Variants in C14orf39 observed in about 807,000 individuals in gnomAD.
C14orf39 encodes protein SIX6OS1.
A neutral mutation model predicts 85.6 loss-of-function variants in C14orf39; 66 were observed. The observed-to-expected ratio is 0.77, with a 90% CI of 0.63 to 0.95. The LOEUF (loss-of-function observed/expected upper bound fraction) is 0.95. C14orf39 is among the 40% of genes least tolerant of loss of function. The probability of loss-of-function intolerance (pLI) is 0.00; values close to 1 mark genes in which losing one functional copy is unlikely to be tolerated. For missense variants in C14orf39, 735 were observed against 663.9 expected (o/e 1.11, Z -1.18); for synonymous variants, 242 against 214.0 (o/e 1.13, Z -1.14).
intron 16 of C14orf39, among the ~76,000 whole-genome samples, chr14:60,446,813 A>C (rs938527310): frequency 6.6e-6 from 1 of 152,210 alleles, no homozygotes; most frequent in Admixed American, 6.5e-5. Flanking sequence ...AAATACTGGC[A>C]AATCCAATAC....
At position 60,509,238 on chromosome 14, in the gene C14orf39, T is replaced by C. The variant is rs1956558; in HGVS notation, c.-144+6157A>G. 0.89 allele frequency: 589,418 copies of C among 663,008 alleles called. 263,589 individuals carry two copies. The highest frequency in any genetic ancestry group is 0.92 in the Non-Finnish European group (347,981 of 378,588). The allele number at this position is 663,008 out of a possible 1,614,324, so 41.1% of individuals were successfully genotyped here. On this transcript the variant is annotated intron_variant, in intron 1 of 5. Coordinates refer to the C14orf39 transcript ENST00000556799. Reference sequence around the variant, plus strand: ...CCAGCACCTCCTCCAGTCGGGGTCGTCCGCTCCCGGCCGTTGAGCCACCGC... The same window carrying C: ...CCAGCACCTCCTCCAGTCGGGGTCGCCCGCTCCCGGCCGTTGAGCCACCGC...
intron 1 of C14orf39, chr14:60,512,895 A>G (rs1320496537): frequency 6.6e-6 from 1 of 152,236 alleles, no homozygotes; most frequent in Non-Finnish European, 1.5e-5. Context: ...TCCCCCAATT[A>G]CAGCCTTTTC....
chr14:60,460,295 C>T (rs1007536406), intron 13 of C14orf39, among the ~76,000 whole-genome samples: 1 of 151,780 alleles, frequency 6.6e-6, no homozygotes, highest in Non-Finnish European at 1.5e-5. Flanking sequence ...GTCTAACACT[C>T]TGTCAGTTTG....
At chr14:60,509,210 G>A (rs931034439) in intron 1 of C14orf39, 3 of 608,110 alleles carry the variant, frequency 4.9e-6, no homozygotes, top group Admixed American at 5.6e-5. Context: ...CCAAGCCGCG[G>A]AGCCAGCACC....
chr14:60,472,433 G>A (rs903570899), intron 5 of C14orf39, among the ~76,000 whole-genome samples: 2 of 152,004 alleles, frequency 1.3e-5, no homozygotes, highest in African/African-American at 4.8e-5. Context: ...TAAGTTTTAG[G>A]GTATATGTGC....
chr14:60,513,399 G>A (rs918937223), intron 1 of C14orf39, among the ~76,000 whole-genome samples: 5 of 152,192 alleles, frequency 3.3e-5, no homozygotes, highest in Non-Finnish European at 5.9e-5. Flanking sequence ...GGGACTCACG[G>A]TCAAGGTTAT....
intron 11 of C14orf39, among the ~76,000 whole-genome samples, chr14:60,463,732 A>T (rs931138060): frequency 3.9e-5 from 6 of 152,082 alleles, no homozygotes; most frequent in African/African-American, 1.4e-4. Flanking sequence ...AATCATGGTA[A>T]GTGAAAATAG....
At chr14:60,510,128 C>T (rs1355610125) in intron 1 of C14orf39, among the ~76,000 whole-genome samples, 2 of 152,172 alleles carry the variant, frequency 1.3e-5, no homozygotes, top group East Asian at 1.9e-4. Flanking sequence ...GGCTCCTGGC[C>T]GGGAGTTCCC....
chr14:60,459,402 G>A (rs1321378285), intron 13 of C14orf39, among the ~76,000 whole-genome samples: 3 of 151,398 alleles, frequency 2.0e-5, no homozygotes, highest in Admixed American at 6.6e-5. Context: ...ACCTAGGATC[G>A]GAACTATGAG....
intron 1 of C14orf39, among the ~76,000 whole-genome samples, chr14:60,500,674 T>C (rs150548840): frequency 2.0e-4 from 31 of 152,268 alleles, no homozygotes; most frequent in Non-Finnish European, 3.4e-4. Context: ...GTATGGATAA[T>C]ATAAATACTT....
chr14:60,481,086 T>C (rs958466989), intron 4 of C14orf39, among the ~76,000 whole-genome samples: 8 of 152,296 alleles, frequency 5.3e-5, no homozygotes, highest in South Asian at 2.1e-4. Flanking sequence ...ATTTCGAATA[T>C]GCTAGAAAAA....
chr14:60,472,921 G>C (rs1892171915), intron 5 of C14orf39, among the ~76,000 whole-genome samples: 1 of 152,182 alleles, frequency 6.6e-6, no homozygotes, highest in Non-Finnish European at 1.5e-5. Flanking sequence ...TATATACCCA[G>C]TAATGGGATG....
chr14:60,461,758 T>C (rs1891546566), intron 11 of C14orf39, among the ~76,000 whole-genome samples, 165 bp from the exon 12 acceptor site: 2 of 152,114 alleles, frequency 1.3e-5, no homozygotes. Context: ...AACCACTACA[T>C]ACAAAACATT....
chr14:60,458,649 A>T, intron 14 of C14orf39, 29 bp downstream of exon 14: 1 of 1,519,886 alleles, frequency 6.6e-7, no homozygotes. Flanking sequence ...ATTTTTGCTT[A>T]GAAATTAGAG....
chr14:60,471,496 ATTC>A (rs1408427394), intron 6 of C14orf39, 37 bp from the exon 7 acceptor site: 1 of 1,576,992 alleles, frequency 6.3e-7, no homozygotes, highest in Non-Finnish European at 8.6e-7. Flanking sequence ...TGATTATTAT[ATTC>A]TTTTCATTAC....
intron 16 of C14orf39, among the ~76,000 whole-genome samples, chr14:60,446,475 T>C (rs1219702512): frequency 2.6e-5 from 4 of 152,178 alleles, no homozygotes; most frequent in African/African-American, 7.2e-5. Context: ...CCTGGACATA[T>C]ACACCCTCCA....
intron 1 of C14orf39, chr14:60,509,340 G>A: frequency 1.4e-6 from 2 of 1,437,814 alleles, no homozygotes; most frequent in Non-Finnish European, 1.9e-6. Flanking sequence ...AGGCCCGCGG[G>A]CATCTGCTGC....
rs1893267451 is a variant in C14orf39 at position 60,510,055 on chromosome 14, G to A, written c.-144+5340C>T. ...CTCTGGCGCCCTTACCCAGTCCCTG[G>A]CGACTCCAATTCAGCAGGAGTTGGG... On this transcript the variant is annotated intron_variant, in intron 1 of 5. Coordinates refer to the C14orf39 transcript ENST00000556799. 5 of 1,219,170 alleles carry A rather than the reference G, an allele frequency of 4.1e-6. No homozygotes were observed. The South Asian group carries it at 6.5e-5, about 16-fold the overall frequency. 75.5% of individuals were successfully genotyped at this position (1,219,170 alleles called of 1,614,324 possible).
intron 1 of C14orf39, among the ~76,000 whole-genome samples, chr14:60,501,638 C>G (rs1320069620): frequency 6.6e-6 from 1 of 152,214 alleles, no homozygotes; most frequent in East Asian, 1.9e-4. Context: ...GAAACAAATA[C>G]AGAGGGCATT....
Sources: gnomAD v4.1 joint callset for allele counts (sites outside exome capture counted in the v4.1 genomes callset) on GRCh38, gnomAD v4.1.1 for gene constraint, MANE v1.5 for transcripts, NCBI Gene and HGNC (gene_info 2026-07-23, HGNC 2026-07-21) for gene names.